The following CTNNAL1 variants were observed in gnomAD, a reference collection of about 807,000 sequenced individuals.
CTNNAL1 encodes alpha-catulin.
In CTNNAL1, 69 loss-of-function variants were observed where a neutral mutation model predicts 93.6. That is an observed-to-expected ratio of 0.74 (90% CI 0.61 to 0.90). CTNNAL1 has a LOEUF of 0.90. Ranked by LOEUF, CTNNAL1 falls within the 40% of genes least tolerant of loss-of-function variation. CTNNAL1 has a pLI of 0.00. For synonymous variants in CTNNAL1, 286 were observed against 305.4 expected (o/e 0.94, Z 0.66); for missense variants, 836 against 862.0 (o/e 0.97, Z 0.38).
At chr9:108,998,498 T>A (rs1055974568) in intron 2 of CTNNAL1, among the ~76,000 whole-genome samples, 29 of 152,188 alleles carry the variant, frequency 1.9e-4, no homozygotes, top group Non-Finnish European at 3.4e-4. Context: ...GATTTTGGAC[T>A]GATTTGTCCA....
At chr9:109,007,675 A>G (rs1827074382) in intron 1 of CTNNAL1, among the ~76,000 whole-genome samples, 1 of 152,230 alleles carries the variant, frequency 6.6e-6, no homozygotes. Context: ...TCTGAATTAT[A>G]AAATATAAAA....
chr9:109,006,425 A>G (rs1163480255), intron 1 of CTNNAL1, among the ~76,000 whole-genome samples: 1 of 152,212 alleles, frequency 6.6e-6, no homozygotes, highest in Non-Finnish European at 1.5e-5. Flanking sequence ...GAGGTCACAA[A>G]GCCAGGGGAG....
intron 10 of CTNNAL1, among the ~76,000 whole-genome samples, chr9:108,969,378 T>G (rs1831045621): frequency 6.6e-6 from 1 of 152,044 alleles, no homozygotes; most frequent in Non-Finnish European, 1.5e-5. Context: ...TTGAAAATTA[T>G]AAGGACAAAT....
chr9:108,979,980 G>A (rs1831381889), intron 6 of CTNNAL1, among the ~76,000 whole-genome samples: 1 of 152,104 alleles, frequency 6.6e-6, no homozygotes, highest in African/African-American at 2.4e-5. Flanking sequence ...TCACCTAACT[G>A]GTCTCCCTAC....
intron 2 of CTNNAL1, among the ~76,000 whole-genome samples, chr9:108,997,733 C>T (rs555922296): frequency 1.3e-5 from 2 of 152,278 alleles, no homozygotes; most frequent in South Asian, 4.1e-4. Context: ...CCTGGCTCTT[C>T]TATCACATCC....
chr9:108,987,364 C>T (rs1831643691), intron 4 of CTNNAL1, among the ~76,000 whole-genome samples: 1 of 152,192 alleles, frequency 6.6e-6, no homozygotes, highest in African/African-American at 2.4e-5. Flanking sequence ...TTTCTGAGGG[C>T]TCTGTTCTGT....
chr9:108,969,651 T>C (rs1333459580), intron 10 of CTNNAL1, among the ~76,000 whole-genome samples: 2 of 152,102 alleles, frequency 1.3e-5, no homozygotes, highest in Non-Finnish European at 2.9e-5. Context: ...TTGCTTCTGA[T>C]TGGATCTTTT....
At chr9:108,977,210 A>C (rs553897298) in intron 7 of CTNNAL1, 162 bp from the exon 8 acceptor site, 26 of 385,776 alleles carry the variant, frequency 6.7e-5, no homozygotes, top group African/African-American at 1.2e-4. Flanking sequence ...TGGAAAATAA[A>C]ATTTCAGTTT....
intron 9 of CTNNAL1, 40 bp from the exon 10 acceptor site, chr9:108,970,534 C>A: frequency 6.4e-7 from 1 of 1,551,190 alleles, no homozygotes. Flanking sequence ...TTCACATCCT[C>A]ATCCTCCACA....
At chr9:108,951,832 T>C (rs1830573136) in intron 14 of CTNNAL1, among the ~76,000 whole-genome samples, 5 of 152,232 alleles carry the variant, frequency 3.3e-5, no homozygotes, top group Admixed American at 2.0e-4. Flanking sequence ...CTTTGATCTG[T>C]GTCTAATCAA....
At chr9:108,966,319 T>C (rs970752008) in intron 10 of CTNNAL1, among the ~76,000 whole-genome samples, 2 of 152,212 alleles carry the variant, frequency 1.3e-5, no homozygotes, top group South Asian at 2.1e-4. Context: ...AATAAATAAA[T>C]TGTTGCAGAG....
rs1475791588 is a variant in CTNNAL1 at position 108,986,325 on chromosome 9, A to G, written c.640-1889T>C. On this transcript the variant is annotated intron_variant, in intron 4 of 18. Transcript: ENST00000325551. ...AGTTTACTGAGAATGATGATTTCCA[A>G]TTTCATCCATGTCCCTACAAAGGAC... Among the ~76,000 whole-genome samples the G allele has an allele frequency of 2.4e-3, 360 of 149,686 alleles. 1 individual carries two copies. Among genetic ancestry groups the G allele is most frequent in the African/African-American group, 8.3e-3 (337 of 40,622 alleles).
At chr9:108,977,266 T>A (rs944559166) in intron 7 of CTNNAL1, 1 of 299,026 alleles carries the variant, frequency 3.3e-6, no homozygotes, top group Non-Finnish European at 6.1e-6. Context: ...ACTTCTGTTT[T>A]TTTATTTATT....
intron 12 of CTNNAL1, among the ~76,000 whole-genome samples, chr9:108,952,935 A>C (rs1237332540): frequency 6.6e-6 from 1 of 152,218 alleles, no homozygotes; most frequent in African/African-American, 2.4e-5. Flanking sequence ...TTTTCTATAC[A>C]TTCCTTATGT....
intron 6 of CTNNAL1, among the ~76,000 whole-genome samples, chr9:108,981,697 G>A (rs55755084): frequency 0.011 from 1,697 of 152,244 alleles, 10 homozygotes; most frequent in Non-Finnish European, 0.016. Flanking sequence ...GGCCAAGGTG[G>A]GCGGATCACC....
At chr9:108,979,794 C>A (rs934527374) in intron 6 of CTNNAL1, among the ~76,000 whole-genome samples, 1 of 152,204 alleles carries the variant, frequency 6.6e-6, no homozygotes, top group African/African-American at 2.4e-5. Flanking sequence ...AACCAGCCTC[C>A]AGGTAAAAGA....
chr9:108,950,717 C>A, intron 14 of CTNNAL1: 2 of 1,340,416 alleles, frequency 1.5e-6, no homozygotes, highest in Non-Finnish European at 2.0e-6. Flanking sequence ...GGTGACTTTG[C>A]AAAAATAAAT....
chr9:108,973,138 T>C (rs1206713599), intron 8 of CTNNAL1, among the ~76,000 whole-genome samples: 1 of 152,172 alleles, frequency 6.6e-6, no homozygotes. Flanking sequence ...GAAGATGAAC[T>C]GGGTATTCAA....
intron 1 of CTNNAL1, among the ~76,000 whole-genome samples, chr9:109,012,025 G>A (rs1827218767): frequency 6.6e-6 from 1 of 152,196 alleles, no homozygotes; most frequent in Non-Finnish European, 1.5e-5. Flanking sequence ...ACATTACTGA[G>A]GGATCCCAGT....
Sources: gnomAD v4.1 joint callset for allele counts (sites outside exome capture counted in the v4.1 genomes callset) on GRCh38, gnomAD v4.1.1 for gene constraint, MANE v1.5 for transcripts, NCBI Gene and HGNC (gene_info 2026-07-23, HGNC 2026-07-21) for gene names.